RPS6KA6: variants seen among roughly 807,000 people sequenced by gnomAD.
RPS6KA6 encodes the protein ribosomal protein S6 kinase A6, also known as ribosomal protein S6 kinase alpha-6.
A neutral mutation model predicts 65.4 loss-of-function variants in RPS6KA6; 27 were observed. The ratio of observed to expected loss-of-function variants is 0.41; its 90% CI spans 0.30 to 0.57. The LOEUF (loss-of-function observed/expected upper bound fraction) is 0.57. Ranked by LOEUF, RPS6KA6 falls within the 20% of genes least tolerant of loss-of-function variation. RPS6KA6 has a pLI of 0.24. For missense variants in RPS6KA6, 486 were observed against 555.6 expected (o/e 0.87, Z 1.26); for synonymous variants, 190 against 184.2 (o/e 1.03, Z -0.26).
At chrX:84,112,619 A>G (rs1231936765) in intron 12 of RPS6KA6, among the ~76,000 whole-genome samples, 2 of 112,074 alleles carry the variant, frequency 1.8e-5, no homozygotes, top group Non-Finnish European at 3.8e-5. Flanking sequence ...ATTGAAATGA[A>G]TGAAAATAGA....
At chrX:84,181,945 A>G (rs926542902) in intron 1 of RPS6KA6, among the ~76,000 whole-genome samples, 2 of 110,093 alleles carry the variant, frequency 1.8e-5, no homozygotes, top group African/African-American at 6.6e-5. Flanking sequence ...TTATCAGATT[A>G]TATTTCCCAT....
intron 6 of RPS6KA6, among the ~76,000 whole-genome samples, chrX:84,142,154 A>C (rs1397900104): frequency 1.8e-5 from 2 of 111,642 alleles, no homozygotes; most frequent in Non-Finnish European, 3.8e-5. Flanking sequence ...AAAAGAATTA[A>C]AGTCATACAA....
chrX:84,105,606 A>G (rs952452229), intron 16 of RPS6KA6, among the ~76,000 whole-genome samples, 181 bp downstream of exon 16: 7 of 110,219 alleles, frequency 6.4e-5, no homozygotes, highest in Admixed American at 5.9e-4. Flanking sequence ...TTGATATTCT[A>G]TAAGACTAGA....
intron 2 of RPS6KA6, among the ~76,000 whole-genome samples, chrX:84,157,377 GGT>G (rs1259962415): frequency 1.8e-5 from 2 of 111,130 alleles, no homozygotes; most frequent in Non-Finnish European, 3.8e-5. Context: ...AAATAGTGAT[GGT>G]AATTTATAAA....
intron 20 of RPS6KA6, among the ~76,000 whole-genome samples, chrX:84,070,314 T>C (rs1388707150): frequency 9.0e-6 from 1 of 110,668 alleles, no homozygotes; most frequent in Non-Finnish European, 1.9e-5. Flanking sequence ...AAACACCAGG[T>C]ATTCTCACTC....
At chrX:84,088,820 G>A (rs1480083635) in intron 20 of RPS6KA6, among the ~76,000 whole-genome samples, 1 of 112,278 alleles carries the variant, frequency 8.9e-6, no homozygotes, top group African/African-American at 3.2e-5. Flanking sequence ...AACCTTGGCT[G>A]GAGTGGCTGA....
At chrX:84,127,708 A>C (rs760100286) in intron 8 of RPS6KA6, among the ~76,000 whole-genome samples, 4 of 110,907 alleles carry the variant, frequency 3.6e-5, no homozygotes, top group Admixed American at 9.6e-5. Flanking sequence ...AAAAAGAAGG[A>C]CAAAAACCAC....
intron 9 of RPS6KA6, among the ~76,000 whole-genome samples, chrX:84,118,274 G>A: frequency 9.0e-6 from 1 of 111,369 alleles, no homozygotes. Flanking sequence ...AAAATCTGCT[G>A]TTCAAGGCTT....
intron 3 of RPS6KA6, among the ~76,000 whole-genome samples, chrX:84,154,658 TCACCACCACCACCAC>T (rs762801562): frequency 9.1e-6 from 1 of 109,451 alleles, no homozygotes; most frequent in Non-Finnish European, 1.9e-5. Flanking sequence ...ACCAACTTCA[TCACCACCACCACCAC>T]CACCACCACC....
chrX:84,139,987 A>G (rs1377787039), intron 6 of RPS6KA6, among the ~76,000 whole-genome samples: 1 of 111,866 alleles, frequency 8.9e-6, no homozygotes, highest in Non-Finnish European at 1.9e-5. Context: ...GAGAAGGAGG[A>G]CAAAATTCAC....
chrX:84,138,824 TGTGTGTGTG>T (rs2035044444), intron 6 of RPS6KA6, among the ~76,000 whole-genome samples: 5 of 110,111 alleles, frequency 4.5e-5, no homozygotes, highest in Non-Finnish European at 7.6e-5. Flanking sequence ...TGTGTGTGTG[TGTGTGTGTG>T]TGTGTGTGTA....
intron 1 of RPS6KA6, among the ~76,000 whole-genome samples, chrX:84,167,534 G>A (rs1321980308): frequency 1.8e-5 from 2 of 111,304 alleles, no homozygotes; most frequent in Non-Finnish European, 3.8e-5. Context: ...AACGGGTTGG[G>A]GGTAGAGGAA....
intron 6 of RPS6KA6, among the ~76,000 whole-genome samples, chrX:84,135,642 A>G (rs2034979802): frequency 2.7e-5 from 3 of 111,188 alleles, no homozygotes; most frequent in Admixed American, 9.6e-5. Context: ...TATTTATACC[A>G]TTCTCTCTTT....
intron 1 of RPS6KA6, among the ~76,000 whole-genome samples, chrX:84,173,120 T>C (rs1456160638): frequency 9.0e-6 from 1 of 110,767 alleles, no homozygotes; most frequent in African/African-American, 3.3e-5. Flanking sequence ...ATGTTTCATA[T>C]ATATATTTAT....
At chrX:84,179,816 T>C (rs188874282) in intron 1 of RPS6KA6, among the ~76,000 whole-genome samples, 1 of 112,203 alleles carries the variant, frequency 8.9e-6, no homozygotes, top group African/African-American at 3.2e-5. Flanking sequence ...TATGTCTCTA[T>C]AATCAACATA....
intron 3 of RPS6KA6, among the ~76,000 whole-genome samples, chrX:84,155,320 G>A (rs1272177633): frequency 2.7e-5 from 3 of 111,450 alleles, no homozygotes; most frequent in African/African-American, 9.8e-5. Context: ...CTTGAAATTA[G>A]TAGTTTCTCT....
chrX:84,095,701 A>G (rs1197197313), intron 20 of RPS6KA6, among the ~76,000 whole-genome samples: 1 of 112,107 alleles, frequency 8.9e-6, no homozygotes, highest in Non-Finnish European at 1.9e-5. Flanking sequence ...AGAAATTTTT[A>G]AAGTGTATTT....
At chrX:84,186,961 C>T (rs181599996) in intron 1 of RPS6KA6, 5 of 112,089 alleles carry the variant, frequency 4.5e-5, no homozygotes, top group Admixed American at 2.8e-4. Flanking sequence ...CATCTAAGTT[C>T]TCACTGCACA....
rs747831437 is a variant in RPS6KA6, at chrX:84,104,515, T to C, written c.1598A>G (p.Tyr533Cys). ...ACAACTTACTCCTTGACAATGAAGA[T>C]AGTCAACTGTCTTACTTATTACATA... ...ILYVISKTVD[Y>C]LHCQGVVHRD... Residue 533 changes from tyrosine (Y) to cysteine (C), a missense_variant, in exon 17 of 22, where the codon TAT (tyrosine) becomes TGT (cysteine). This residue lies in a region of RPS6KA6 where 345 missense variants were observed against 375.0 expected (regional missense o/e 0.92). Transcript: ENST00000262752. 3.5e-6 allele frequency: 4 copies of C among 1,144,734 alleles called. No homozygotes were observed. The highest frequency in any genetic ancestry group is 4.6e-6 in the Non-Finnish European group (4 of 862,692). 94.3% of individuals were successfully genotyped at this position (1,144,734 alleles called of 1,213,427 possible).
Sources: allele counts gnomAD v4.1 joint callset (sites outside exome capture counted in the v4.1 genomes callset), GRCh38; gene constraint gnomAD v4.1.1; regional missense constraint gnomAD v4.1.1; transcripts MANE v1.5; gene names NCBI Gene and HGNC (gene_info 2026-07-23, HGNC 2026-07-21).